The following ZSCAN31 variants were observed in gnomAD, a reference collection of about 807,000 sequenced individuals.
ZSCAN31 encodes the protein zinc finger and SCAN domain containing 31.
In ZSCAN31, 14 loss-of-function variants were observed where a neutral mutation model predicts 22.5. That is an observed-to-expected ratio of 0.62 (90% CI 0.41 to 0.97). The LOEUF is 0.97. Ranked by LOEUF, ZSCAN31 falls within the 50% of genes least tolerant of loss-of-function variation. ZSCAN31 has a pLI of 0.00. For missense variants in ZSCAN31, 424 were observed against 483.4 expected (o/e 0.88, Z 1.15); for synonymous variants, 168 against 169.8 (o/e 0.99, Z 0.08).
upstream of ZSCAN31, among the ~76,000 whole-genome samples, chr6:28,337,427 G>A (rs1764233343): frequency 6.6e-6 from 1 of 152,198 alleles, no homozygotes; most frequent in Admixed American, 6.5e-5. Context: ...ACTACAGGCA[G>A]GGAGACCAGC....
At chr6:28,348,863 A>G (rs1764763157) in intron 2 of ZSCAN31, among the ~76,000 whole-genome samples, 1 of 152,096 alleles carries the variant, frequency 6.6e-6, no homozygotes, top group South Asian at 2.1e-4. Context: ...ATAGGTGTAT[A>G]TACATGTCTC....
At chr6:28,352,949 T>A (rs1321982588) in intron 2 of ZSCAN31, among the ~76,000 whole-genome samples, 1 of 145,890 alleles carries the variant, frequency 6.9e-6, no homozygotes, top group Non-Finnish European at 1.5e-5. Flanking sequence ...CTTACATTTC[T>A]TTTCTTTTCT....
rs1226170144 is a variant in ZSCAN31, at chr6:28,329,389, C to A, written c.295G>T (p.Val99Leu). The change falls in exon 2 of 4, where the codon GTG becomes TTG. Residue 99 changes from valine to leucine, a missense_variant. Transcript: ENST00000344279. ...TILPEELQAWVREHHPESGEE... is the reference protein window; with the variant it reads ...TILPEELQAWLREHHPESGEE... ...CCACTCTCCGGATGGTGCTCCCGCACCCAGGCCTGGAGCTCCTCAGGCAGG... is the reference window on the plus strand; with the variant it reads ...CCACTCTCCGGATGGTGCTCCCGCAACCAGGCCTGGAGCTCCTCAGGCAGG... 1 of 1,614,092 alleles carries A rather than the reference C, an allele frequency of 6.2e-7. No individual in the cohort carries two copies. Among genetic ancestry groups the A allele is most frequent in the Non-Finnish European group, 8.5e-7 (1 of 1,180,044 alleles).
upstream of ZSCAN31, among the ~76,000 whole-genome samples, chr6:28,339,734 C>A (rs1764339182): frequency 6.6e-6 from 1 of 152,158 alleles, no homozygotes; most frequent in African/African-American, 2.4e-5. Flanking sequence ...GTCCCCTTAC[C>A]AGATGCTAAA....
intron 3 of ZSCAN31, among the ~76,000 whole-genome samples, chr6:28,341,231 G>A (rs2113850523): frequency 6.6e-6 from 1 of 152,326 alleles, no homozygotes; most frequent in South Asian, 2.1e-4. Context: ...TTTACACAAT[G>A]TCTTAGTCTA....
rs1410923502 is a variant in ZSCAN31, at chr6:28,326,471, C to T, written c.916G>A (p.Ala306Thr). The change falls in exon 4 of 4, where the codon GCC (alanine) becomes ACC (threonine). Residue 306 changes from alanine (A) to threonine (T), a missense_variant. Transcript: ENST00000344279. ...CTGTGTCGAGTGAGGCCATTGCTGG[C>T]ACTGAAGGCTTTCCCACACTCCTTA... The part of the protein sequence containing the change: ...QCKECGKAFS[A>T]SNGLTRHRRI... 2 of 1,613,958 alleles carry T rather than the reference C, an allele frequency of 1.2e-6. No homozygotes were observed. The highest frequency in any genetic ancestry group is 2.2e-5 in the East Asian group (1 of 44,858).
chr6:28,340,371 G>C (rs1764365425), upstream of ZSCAN31, among the ~76,000 whole-genome samples: 1 of 152,230 alleles, frequency 6.6e-6, no homozygotes, highest in South Asian at 2.1e-4. Context: ...GAAGGGCCCA[G>C]TGGGAAATAA....
At chr6:28,343,621 G>T (rs1347412921) in intron 2 of ZSCAN31, among the ~76,000 whole-genome samples, 1 of 134,474 alleles carries the variant, frequency 7.4e-6, no homozygotes, top group African/African-American at 2.9e-5. Context: ...TCGGCTCACT[G>T]CAAGCTCTGC....
chr6:28,335,731 C>T (rs1764111820), intron 1 of ZSCAN31: 1 of 152,252 alleles, frequency 6.6e-6, no homozygotes. Flanking sequence ...CATAAAAACC[C>T]CAGAACGGGC....
upstream of ZSCAN31, among the ~76,000 whole-genome samples, chr6:28,337,421 C>A (rs928809933): frequency 6.6e-6 from 1 of 152,172 alleles, no homozygotes; most frequent in Admixed American, 6.5e-5. Context: ...AATGAGACTA[C>A]AGGCAGGGAG....
exon 2 of ZSCAN31, chr6:28,353,886 C>T (rs1161325896): frequency 2.2e-6 from 1 of 456,332 alleles, no homozygotes. Flanking sequence ...GTGTCAGGTT[C>T]CAGCCCATAC....
Position 28,349,164 on chromosome 6 carries a change from CAT to C in ZSCAN31, c.-371+4696_-371+4697del, listed in dbSNP as rs67909362. ...CATATATAGGTGTATATATATGTCT[CAT>C]ATATATAGGTGTATATATATGTCTC... On this transcript the variant is annotated intron_variant, in intron 2 of 7. Coordinates refer to the ZSCAN31 transcript ENST00000396838. The surrounding 1 kb of genome is among the most constrained non-coding windows in gnomAD (Gnocchi z 4.1). 3.4e-4 allele frequency among the ~76,000 whole-genome samples: 4 copies of C among 11,876 alleles called. No individual in the cohort carries two copies. The highest frequency in any genetic ancestry group is 3.3e-4 in the Non-Finnish European group (2 of 6,084). 7.8% of individuals were successfully genotyped at this position (11,876 alleles called of 152,430 possible).
intron 2 of ZSCAN31, among the ~76,000 whole-genome samples, chr6:28,343,933 A>C (rs1764533242): frequency 6.6e-6 from 1 of 152,198 alleles, no homozygotes; most frequent in Admixed American, 6.5e-5. Flanking sequence ...AGAAAGGAGG[A>C]ACAAAAGCAT....
chr6:28,342,489 GA>G (rs1386593957), intron 2 of ZSCAN31, among the ~76,000 whole-genome samples: 1 of 152,172 alleles, frequency 6.6e-6, no homozygotes, highest in Non-Finnish European at 1.5e-5. Context: ...TCTGCAAAGG[GA>G]GTAAAAACAC....
At chr6:28,352,031 G>A (rs1218837324) in intron 2 of ZSCAN31, among the ~76,000 whole-genome samples, 3 of 151,314 alleles carry the variant, frequency 2.0e-5, no homozygotes, top group African/African-American at 4.9e-5. Flanking sequence ...AGTGGGGTCC[G>A]AATATGGTTC....
chr6:28,326,190 T>G lies in ZSCAN31; in HGVS notation c.1197A>C (p.Lys399Asn), dbSNP rs1423889401. Residue 399 changes from lysine to asparagine, a missense_variant, in exon 4 of 4, where the codon AAA (lysine) becomes AAC (asparagine). Transcript: ENST00000344279. ...CTTATGGTCTCTCTCCAGTGTGGAT[T>G]TTCTGATGTTTCTTAAGAAGTGTCC... ...SKRTLLKKHQ[K>N]IHTGERP The G allele has an allele frequency of 6.2e-7, 1 of 1,610,310 alleles. No homozygotes were observed. Among genetic ancestry groups the G allele is most frequent in the African/African-American group, 1.3e-5 (1 of 74,620 alleles).
intron 2 of ZSCAN31, chr6:28,350,046 G>A (rs529929086): frequency 2.6e-4 from 39 of 152,662 alleles, no homozygotes; most frequent in African/African-American, 8.4e-4. Flanking sequence ...CGGTCCTGCA[G>A]TTCTTTTGTC....
At chr6:28,343,542 C>CTTTTTTTTTTT (rs34131321) in intron 2 of ZSCAN31, among the ~76,000 whole-genome samples, 1 of 105,876 alleles carries the variant, frequency 9.4e-6, no homozygotes, top group South Asian at 3.1e-4. Flanking sequence ...TTTTTTCTTT[C>CTTTTTTTTTTT]TTTTTTTTTT....
In ZSCAN31 at chr6:28,329,601, C is replaced by T. The variant is rs751893141; in HGVS notation, c.83G>A (p.Arg28Gln). The T allele has an allele frequency of 2.7e-5, 43 of 1,614,070 alleles. No homozygotes were observed. The highest frequency in any genetic ancestry group is 3.1e-5 in the Non-Finnish European group (37 of 1,180,042). Reference protein sequence around the residue: ...DPIWDQETHLRGNNFSGQEAS... With the variant: ...DPIWDQETHLQGNNFSGQEAS... ...TTCTTGGCCAGAAAAGTTGTTCCCT[C>T]GAAGGTGGGTTTCTTGGTCCCAGAT... The change falls in exon 2 of 4, where the codon CGA becomes CAA. Residue 28 changes from arginine (R) to glutamine (Q), a missense_variant. Transcript: ENST00000344279.
Sources: gnomAD v4.1 joint callset for allele counts (sites outside exome capture counted in the v4.1 genomes callset) on GRCh38, gnomAD v4.1.1 for gene constraint, Gnocchi (gnomAD v3.1) non-coding constraint, MANE v1.5 for transcripts, NCBI Gene and HGNC (gene_info 2026-07-23, HGNC 2026-07-21) for gene names.